MYLK3: variants seen among roughly 807,000 people sequenced by gnomAD.
MYLK3 encodes MLC kinase.
In MYLK3, 55 loss-of-function variants were observed where a neutral mutation model predicts 76.3. The observed-to-expected ratio is 0.72, with a 90% CI of 0.58 to 0.90. MYLK3 has a LOEUF of 0.90. MYLK3 is among the 40% of genes least tolerant of loss of function. The pLI, the probability that MYLK3 is intolerant of heterozygous loss-of-function variation, is 0.00. For synonymous variants in MYLK3, 416 were observed against 425.4 expected (o/e 0.98, Z 0.27); for missense variants, 973 against 1,053.6 (o/e 0.92, Z 1.06).
chr16:46,711,300 T>A (rs1170478430), intron 10 of MYLK3, among the ~76,000 whole-genome samples: 4 of 152,080 alleles, frequency 2.6e-5, no homozygotes, highest in Non-Finnish European at 4.4e-5. Context: ...AGCTCCCATA[T>A]CTGAGTGCAG....
intron 1 of MYLK3, among the ~76,000 whole-genome samples, chr16:46,754,260 A>AC (rs1967168627): frequency 6.6e-6 from 1 of 152,074 alleles, no homozygotes; most frequent in Non-Finnish European, 1.5e-5. Flanking sequence ...TCATTATGCA[A>AC]TTTTAGAACA....
chr16:46,702,633 A>G lies in MYLK3; in HGVS notation c.*5071T>C, dbSNP rs1202903682. 6.6e-6 allele frequency among the ~76,000 whole-genome samples: 1 copy of G among 152,244 alleles called. No homozygotes were observed. Among genetic ancestry groups the G allele is most frequent in the Non-Finnish European group, 1.5e-5 (1 of 68,054 alleles). ...GTGAATTTTTAATTATAAATGTAAT[A>G]CATGCGGGCCAGGCGCAGTGGCTCA... On this transcript the variant is annotated 3_prime_UTR_variant, in exon 13 of 13. Coordinates refer to ENST00000394809, the MANE Select transcript of MYLK3 (RefSeq NM_182493.3).
At chr16:46,739,279 A>G (rs1966892488) in intron 2 of MYLK3, among the ~76,000 whole-genome samples, 1 of 152,208 alleles carries the variant, frequency 6.6e-6, no homozygotes, top group Non-Finnish European at 1.5e-5. Flanking sequence ...GGACCATTGC[A>G]CCTGGCCTCT....
chr16:46,729,862 A>T, intron 5 of MYLK3, 175 bp from the exon 6 acceptor site: 1 of 625,054 alleles, frequency 1.6e-6, no homozygotes, highest in South Asian at 1.9e-5. Context: ...CTGCAAAGCA[A>T]CTCTTCACCC....
chr16:46,732,668 C>A lies in MYLK3; in HGVS notation c.1002G>T (p.Arg334Ser). 6.7e-7 allele frequency: 1 copy of A among 1,502,724 alleles called. No individual in the cohort carries two copies. The highest frequency in any genetic ancestry group is 1.3e-5 in the South Asian group (1 of 75,492). The allele number at this position is 1,502,724 out of a possible 1,614,324, so 93.1% of individuals were successfully genotyped here. A position where few individuals can be genotyped will look rare whatever the true frequency, so the allele number is the denominator to read the frequency against. The change falls in exon 4 of 13, where the codon AGG becomes AGT. Residue 334 changes from arginine to serine, a missense_variant and splice_region_variant. Physicochemically the swap from Arg to Ser is moderately radical, Grantham distance 110. This residue lies in a region of MYLK3 where 641 missense variants were observed against 637.0 expected (regional missense o/e 1.01). Transcript: ENST00000394809. The stretch of plus-strand genomic sequence containing the variant: ...CCATCTCTTGTATGTGGATGGAGAT[C>A]CTGGGGTGGAGAGAAACATGGTGCT... ...ATHSGGETPPRISIHIQEMDT... is the reference protein window; with the variant it reads ...ATHSGGETPPSISIHIQEMDT...
Position 46,729,197 on chromosome 16 carries a change from C to T in MYLK3, c.1663-64G>A, listed in dbSNP as rs1489045284. 2.4e-6 allele frequency: 3 copies of T among 1,251,138 alleles called. No homozygotes were observed. In the African/African-American group the frequency reaches 4.4e-5, roughly 18 times the overall value. 77.5% of individuals were successfully genotyped at this position (1,251,138 alleles called of 1,614,324 possible). ...TGAGTCAAGAAGAGGAGCCAGCTGA[C>T]CTCCCAAGACAGACACAGAACTCCT... On this transcript the variant is annotated intron_variant, in intron 6 of 12. Transcript: ENST00000394809.
chr16:46,720,844 G>A (rs1185187493), intron 9 of MYLK3, among the ~76,000 whole-genome samples: 1 of 152,166 alleles, frequency 6.6e-6, no homozygotes, highest in Non-Finnish European at 1.5e-5. Flanking sequence ...TCGCTCAGCA[G>A]CCCCCTTCAC....
chr16:46,754,767 G>A lies in MYLK3; in HGVS notation c.-114+8273C>T, dbSNP rs532344314. Among the ~76,000 whole-genome samples, 20 of 152,266 alleles carry A rather than the reference G, an allele frequency of 1.3e-4. No homozygotes were observed. In the East Asian group the frequency reaches 3.7e-3, roughly 28 times the overall value. On this transcript the variant is annotated intron_variant, in intron 1 of 11. Transcript: ENST00000536476. ...GAAACTTCTCATCCTAAAAACAACT[G>A]GATGCTGGAAGAGAGGCTGGATGTC...
chr16:46,713,166 A>C (rs927468968), intron 9 of MYLK3, among the ~76,000 whole-genome samples: 3 of 150,846 alleles, frequency 2.0e-5, no homozygotes, highest in Admixed American at 1.3e-4. Context: ...ACGAGAATGT[A>C]CTAATTGTAT....
intron 9 of MYLK3, among the ~76,000 whole-genome samples, chr16:46,717,034 T>C (rs1171681556): frequency 6.6e-6 from 1 of 152,172 alleles, no homozygotes; most frequent in Admixed American, 6.5e-5. Context: ...CTTGAGTTAT[T>C]TGAGCCATTC....
chr16:46,761,527 A>G (rs1967275696), intron 1 of MYLK3, among the ~76,000 whole-genome samples: 1 of 152,124 alleles, frequency 6.6e-6, no homozygotes, highest in Non-Finnish European at 1.5e-5. Context: ...TTCAAATTCC[A>G]TAGGCTGAGC....
upstream of MYLK3, among the ~76,000 whole-genome samples, chr16:46,750,042 G>A (rs575703803): frequency 4.6e-5 from 7 of 152,340 alleles, no homozygotes; most frequent in Admixed American, 2.6e-4. Flanking sequence ...AATTTGAGGG[G>A]TAACCCTGTG....
At chr16:46,722,138 T>C (rs934861676) in intron 8 of MYLK3, among the ~76,000 whole-genome samples, 2 of 152,036 alleles carry the variant, frequency 1.3e-5, no homozygotes, top group African/African-American at 2.4e-5. Flanking sequence ...TCGCTGCTCA[T>C]GCATGACAAA....
chr16:46,743,251 C>G (rs1345129191), intron 1 of MYLK3, among the ~76,000 whole-genome samples: 1 of 152,184 alleles, frequency 6.6e-6, no homozygotes, highest in Non-Finnish European at 1.5e-5. Context: ...TCAGGAGGAC[C>G]TTCAAAAAGT....
chr16:46,729,477 T>C, intron 6 of MYLK3, 117 bp downstream of exon 6: 1 of 970,106 alleles, frequency 1.0e-6, no homozygotes, highest in Non-Finnish European at 1.6e-6. Flanking sequence ...GTGGGAATTC[T>C]GGAAAAGAGC....
chr16:46,737,667 C>T lies in MYLK3; in HGVS notation c.1001+44G>A, dbSNP rs376251613. Reference sequence around the variant, plus strand: ...ACGGCCGAGCTCCAGCGAGGGGCCACAGTCCATCCCCTCCCTCACCCAGCC... The same window carrying T: ...ACGGCCGAGCTCCAGCGAGGGGCCATAGTCCATCCCCTCCCTCACCCAGCC... On this transcript the variant is annotated intron_variant, in intron 3 of 12. Transcript: ENST00000394809. The T allele has an allele frequency of 2.6e-6, 4 of 1,533,960 alleles. No homozygotes were observed. In the South Asian group the frequency reaches 3.6e-5, roughly 14 times the overall value.
rs1966614758 is a variant in MYLK3 at position 46,705,487 on chromosome 16, C to A, written c.*2217G>T. 6.6e-6 allele frequency: 1 copy of A among 151,738 alleles called. No individual in the cohort carries two copies. The highest frequency in any genetic ancestry group is 6.6e-5 in the Admixed American group (1 of 15,218). 9.4% of individuals were successfully genotyped at this position (151,738 alleles called of 1,614,324 possible). A position where few individuals can be genotyped will look rare whatever the true frequency, so the allele number is the denominator to read the frequency against. ...GAGGTTGCAGTGAGCCAAGAACACA[C>A]CAGTGCACTCCAGCCTGGGTGACAG... On this transcript the variant is annotated 3_prime_UTR_variant, in exon 13 of 13. Coordinates refer to ENST00000394809, the MANE Select transcript of MYLK3 (RefSeq NM_182493.3).
At chr16:46,741,513 C>T (rs2143016341) in intron 1 of MYLK3, among the ~76,000 whole-genome samples, 1 of 152,304 alleles carries the variant, frequency 6.6e-6, no homozygotes, top group South Asian at 2.1e-4. Flanking sequence ...TGGACCCTTC[C>T]GTGAAGTCCC....
At chr16:46,752,193 C>T (rs1478098965), upstream of MYLK3, among the ~76,000 whole-genome samples, 2 of 152,162 alleles carry the variant, frequency 1.3e-5, no homozygotes, top group East Asian at 1.9e-4. Flanking sequence ...CTAACAGTCT[C>T]GGGGATCATG....
Sources: allele counts gnomAD v4.1 joint callset (sites outside exome capture counted in the v4.1 genomes callset), GRCh38; gene constraint gnomAD v4.1.1; regional missense constraint gnomAD v4.1.1; transcripts MANE v1.5; gene names NCBI Gene and HGNC (gene_info 2026-07-23, HGNC 2026-07-21).